SPATA21: variants seen among roughly 807,000 people sequenced by gnomAD.
SPATA21 encodes the protein spermatogenesis associated 21.
A neutral mutation model predicts 54.8 loss-of-function variants in SPATA21; 47 were observed. That is an observed-to-expected ratio of 0.86 (90% CI 0.68 to 1.09). The LOEUF (loss-of-function observed/expected upper bound fraction) is 1.09. SPATA21 is among the 50% of genes least tolerant of loss of function. The pLI is 0.00. For synonymous variants in SPATA21, 245 were observed against 235.3 expected (o/e 1.04, Z -0.38); for missense variants, 599 against 596.4 (o/e 1.00, Z -0.05).
intron 1 of SPATA21, among the ~76,000 whole-genome samples, chr1:16,435,587 G>A (rs567826211): frequency 1.3e-5 from 2 of 151,502 alleles, no homozygotes; most frequent in African/African-American, 4.8e-5. Context: ...AAAGTACTGG[G>A]ATTACAGGTG....
At chr1:16,396,452 C>G (rs1570061176), downstream of SPATA21, 2 of 152,352 alleles carry the variant, frequency 1.3e-5, no homozygotes, top group South Asian at 4.1e-4. Flanking sequence ...GAGCGAGGGC[C>G]TGGAATGAAG....
intron 7 of SPATA21, chr1:16,408,454 A>G (rs181519643): frequency 8.6e-5 from 85 of 985,444 alleles, no homozygotes; most frequent in East Asian, 4.5e-4. Flanking sequence ...AAGAGGACCA[A>G]TAGAGCAGGC....
In SPATA21 at chr1:16,428,165, G is replaced by C. The variant is rs560746599; in HGVS notation, c.34+3173C>G. ...TGGGGAAGCTGTTGGAGAGGGGTGA[G>C]CAGGAGCTGAGAGGCAGGGATGCAG... On this transcript the variant is annotated intron_variant, in intron 3 of 12. Coordinates refer to ENST00000335496, the MANE Select transcript of SPATA21 (RefSeq NM_198546.1). The surrounding 1 kb of genome is among the most constrained non-coding windows in gnomAD (Gnocchi z 4.3). 4.0e-4 allele frequency: 442 copies of C among 1,091,472 alleles called. No homozygotes were observed. The highest frequency in any genetic ancestry group is 3.3e-4 in the Non-Finnish European group (258 of 789,630). 67.6% of individuals were successfully genotyped at this position (1,091,472 alleles called of 1,614,324 possible). A position where few individuals can be genotyped will look rare whatever the true frequency, so the allele number is the denominator to read the frequency against.
At chr1:16,431,627 G>T (rs1172198617) in intron 2 of SPATA21, among the ~76,000 whole-genome samples, 3 of 152,164 alleles carry the variant, frequency 2.0e-5, no homozygotes, top group Non-Finnish European at 2.9e-5. Context: ...CTATGACCCT[G>T]AGGAAAAGGG....
chr1:16,396,164 A>T (rs2085308326), downstream of SPATA21: 1 of 152,564 alleles, frequency 6.6e-6, no homozygotes, highest in African/African-American at 2.4e-5. Context: ...ACCAGGAGAG[A>T]GTCTGCCTCC....
At chr1:16,430,879 C>T (rs2086441315) in intron 3 of SPATA21, among the ~76,000 whole-genome samples, 1 of 152,202 alleles carries the variant, frequency 6.6e-6, no homozygotes, top group Non-Finnish European at 1.5e-5. Context: ...CAAAGAGGCT[C>T]ACTTCCTGTT....
chr1:16,404,330 A>G (rs2085558643), intron 8 of SPATA21, among the ~76,000 whole-genome samples: 1 of 151,888 alleles, frequency 6.6e-6, no homozygotes, highest in South Asian at 2.1e-4. Flanking sequence ...ATTAGCTAGG[A>G]GTGTTGGCAC....
intron 5 of SPATA21, among the ~76,000 whole-genome samples, chr1:16,411,867 C>T (rs1480500975): frequency 6.6e-6 from 1 of 151,872 alleles, no homozygotes; most frequent in Non-Finnish European, 1.5e-5. Context: ...GTTCTCTGCT[C>T]CCCTTCTATT....
Position 16,409,951 on chromosome 1 carries a change from C to T in SPATA21, c.237G>A (p.Gly79=). The T allele has an allele frequency of 6.2e-7, 1 of 1,613,654 alleles. No homozygotes were observed. Among genetic ancestry groups the T allele is most frequent in the South Asian group, 1.1e-5 (1 of 91,038 alleles). Residue 79 remains glycine (G), a synonymous_variant, in exon 6 of 13, where the codon GGG becomes GGA. Transcript: ENST00000335496. The surrounding 1 kb of genome is among the most constrained non-coding windows in gnomAD (Gnocchi z 4.1). ...ACTTCATGAAGCCCTGCCGGAAGTT[C>T]CCGAGGCTCTGTGTCCCTGCAGCCA... ...PAVAAGTQSL[G]NFRQGFMKCL...
At chr1:16,430,670 C>G (rs1303820822) in intron 3 of SPATA21, among the ~76,000 whole-genome samples, 1 of 152,208 alleles carries the variant, frequency 6.6e-6, no homozygotes, top group African/African-American at 2.4e-5. Flanking sequence ...CTTTCCGTTA[C>G]AGAAGCCAGC....
At chr1:16,413,851 G>A (rs781734839) in intron 5 of SPATA21, among the ~76,000 whole-genome samples, 3 of 152,038 alleles carry the variant, frequency 2.0e-5, no homozygotes, top group Non-Finnish European at 4.4e-5. Context: ...GACCTCAAGC[G>A]ATCTGCCTGC....
intron 3 of SPATA21, chr1:16,422,220 T>C (rs543311663): frequency 7.1e-7 from 1 of 1,414,690 alleles, no homozygotes; most frequent in Admixed American, 2.9e-5. Flanking sequence ...ACACCACGGC[T>C]GGGGAGCTCC....
At chr1:16,407,124 T>C (rs946478700) in intron 7 of SPATA21, among the ~76,000 whole-genome samples, 5 of 152,198 alleles carry the variant, frequency 3.3e-5, no homozygotes, top group Non-Finnish European at 5.9e-5. Context: ...TCTGTTAGCC[T>C]GGAAGTCTCT....
At chr1:16,407,445 A>G (rs537715807) in intron 7 of SPATA21, among the ~76,000 whole-genome samples, 2 of 151,958 alleles carry the variant, frequency 1.3e-5, no homozygotes, top group Non-Finnish European at 2.9e-5. Flanking sequence ...GTTGTATATC[A>G]TTATTATTAT....
intron 5 of SPATA21, among the ~76,000 whole-genome samples, chr1:16,415,807 C>T (rs1006388916): frequency 2.0e-5 from 3 of 152,174 alleles, no homozygotes; most frequent in Admixed American, 2.0e-4. Context: ...ATCCGCCCAC[C>T]TCGGCCTCCC....
At chr1:16,403,887 C>T (rs749620688) in intron 9 of SPATA21, 43 bp from the exon 10 acceptor site, 2 of 1,609,382 alleles carry the variant, frequency 1.2e-6, no homozygotes, top group South Asian at 2.2e-5. Flanking sequence ...CTGGGCAGTC[C>T]TGAATGCCCT....
In SPATA21 at chr1:16,431,426, C is replaced by G; in HGVS notation, c.-51-4G>C. On this transcript the variant is annotated splice_polypyrimidine_tract_variant and splice_region_variant and intron_variant, in intron 2 of 12. Coordinates refer to ENST00000335496, the MANE Select transcript of SPATA21 (RefSeq NM_198546.1). ...AGGGGCATCACCTAGTGTGCTCCTA[C>G]AGGAGAAATCCAATCAAGCGTCCCA... The G allele has an allele frequency of 6.2e-7, 1 of 1,607,574 alleles. No homozygotes were observed. The highest frequency in any genetic ancestry group is 8.5e-7 in the Non-Finnish European group (1 of 1,176,432).
Position 16,409,232 on chromosome 1 carries a change from C to A in SPATA21, c.588-29G>T, listed in dbSNP as rs1298904457. On this transcript the variant is annotated intron_variant, in intron 6 of 12. Coordinates refer to ENST00000335496, the MANE Select transcript of SPATA21 (RefSeq NM_198546.1). This position sits in a 1 kb window ranked among gnomAD's most constrained non-coding sequence, Gnocchi z 4.1. ...CAGAGGACAGAACCCCGACCCAGGG[C>A]AACATCCGGCCGCCCACCCTGCTGA... 4 of 1,613,130 alleles carry A rather than the reference C, an allele frequency of 2.5e-6. No homozygotes were observed. Among genetic ancestry groups the A allele is most frequent in the Non-Finnish European group, 3.4e-6 (4 of 1,179,514 alleles).
At chr1:16,405,261 G>T (rs61769437) in intron 7 of SPATA21, among the ~76,000 whole-genome samples, 157 bp from the exon 8 acceptor site, 12,033 of 151,938 alleles carry the variant, frequency 0.079, 644 homozygotes, top group Non-Finnish European at 0.12. Flanking sequence ...CAACATTTTG[G>T]GAGGCTGAGG....
Sources: allele counts gnomAD v4.1 joint callset (sites outside exome capture counted in the v4.1 genomes callset), GRCh38; gene constraint gnomAD v4.1.1; non-coding constraint Gnocchi (gnomAD v3.1); transcripts MANE v1.5; gene names NCBI Gene and HGNC (gene_info 2026-07-23, HGNC 2026-07-21).